The following RANBP17 variants were observed in gnomAD, a reference collection of about 807,000 sequenced individuals.
The protein encoded by RANBP17 is ran-binding protein 17.
Under a neutral mutation model 141.2 loss-of-function variants are expected in RANBP17, and 158 were observed. The observed-to-expected ratio is 1.12, with a 90% CI of 0.98 to 1.28. The LOEUF (loss-of-function observed/expected upper bound fraction) is 1.28, where lower values mean the gene tolerates loss of function less well. RANBP17 is among the 50% of genes most tolerant of loss of function. RANBP17 has a pLI of 0.00. For synonymous variants in RANBP17, 430 were observed against 450.0 expected, an observed-to-expected ratio of 0.96 and a Z score of 0.56; for missense variants, 1,438 against 1,290.7, an observed-to-expected ratio of 1.11 and a Z score of -1.75.
At chr5:171,128,888 A>G (rs1330118006) in intron 14 of RANBP17, among the ~76,000 whole-genome samples, 2 of 152,232 alleles carry the variant, frequency 1.3e-5, no homozygotes, top group African/African-American at 2.4e-5. Flanking sequence ...ACTTACATAA[A>G]TGGCAACTAA....
At chr5:170,975,086 A>G (rs1374841185) in intron 14 of RANBP17, among the ~76,000 whole-genome samples, 1 of 151,908 alleles carries the variant, frequency 6.6e-6, no homozygotes, top group East Asian at 1.9e-4. Flanking sequence ...ATACTTTCTC[A>G]TTTTTCACAA....
intron 14 of RANBP17, among the ~76,000 whole-genome samples, chr5:171,016,358 T>C (rs74547980): frequency 0.018 from 2,757 of 152,194 alleles, 77 homozygotes; most frequent in African/African-American, 0.063. Flanking sequence ...GACAAAGCTA[T>C]TCTTAGCTTA....
intron 14 of RANBP17, among the ~76,000 whole-genome samples, chr5:171,135,832 C>G (rs1199519350): frequency 6.6e-6 from 1 of 152,202 alleles, no homozygotes. Flanking sequence ...CTTCTGGGCT[C>G]TCTTTCTGTG....
chr5:171,089,230 A>T, intron 14 of RANBP17, among the ~76,000 whole-genome samples: 1 of 114,872 alleles, frequency 8.7e-6, no homozygotes, highest in Non-Finnish European at 2.0e-5. Context: ...GTGAGGTGTC[A>T]GTGTGCCCCT....
chr5:171,249,560 G>C (rs920500887), intron 24 of RANBP17, among the ~76,000 whole-genome samples: 4 of 152,136 alleles, frequency 2.6e-5, no homozygotes, highest in Admixed American at 1.3e-4. Flanking sequence ...CATTACCAAA[G>C]AGATTTAAAT....
At chr5:171,065,936 C>T (rs982957105) in intron 14 of RANBP17, among the ~76,000 whole-genome samples, 1 of 152,028 alleles carries the variant, frequency 6.6e-6, no homozygotes, top group African/African-American at 2.4e-5. Context: ...TCTCGGTGCA[C>T]TGCAGCCTCT....
chr5:170,968,902 T>TA (rs1163370464), intron 14 of RANBP17, among the ~76,000 whole-genome samples: 1 of 151,826 alleles, frequency 6.6e-6, no homozygotes, highest in Non-Finnish European at 1.5e-5. Flanking sequence ...GACTTGATCT[T>TA]AAAGTATAAT....
intron 13 of RANBP17, among the ~76,000 whole-genome samples, chr5:170,955,705 A>T (rs1775639992): frequency 8.1e-6 from 1 of 122,974 alleles, no homozygotes; most frequent in Non-Finnish European, 1.7e-5. Context: ...TCTGTAGAGG[A>T]ACGAACTCTA....
chr5:170,975,477 G>C (rs1193348927), intron 14 of RANBP17, among the ~76,000 whole-genome samples: 2 of 152,196 alleles, frequency 1.3e-5, no homozygotes, highest in Non-Finnish European at 2.9e-5. Flanking sequence ...AGTGAGCCGA[G>C]ATTGCGCCAC....
chr5:171,096,182 C>T (rs1193718881), intron 14 of RANBP17, among the ~76,000 whole-genome samples: 1 of 152,040 alleles, frequency 6.6e-6, no homozygotes, highest in African/African-American at 2.4e-5. Flanking sequence ...CCGCACAGTT[C>T]AAACCTGCAT....
intron 27 of RANBP17, among the ~76,000 whole-genome samples, chr5:171,296,569 C>T (rs1230722170): frequency 6.6e-6 from 1 of 152,188 alleles, no homozygotes. Context: ...GTGCATATAA[C>T]AAAATATTGC....
intron 25 of RANBP17, among the ~76,000 whole-genome samples, chr5:171,276,356 A>T (rs1164250346): frequency 1.3e-5 from 2 of 152,254 alleles, no homozygotes; most frequent in African/African-American, 4.8e-5. Flanking sequence ...TTACAATTAT[A>T]TTTGTATGTT....
chr5:170,878,105 T>A lies in RANBP17; in HGVS notation c.27T>A (p.Ala9=). Residue 9 remains alanine (A), a synonymous_variant, in exon 2 of 28, where the codon GCT becomes GCA. Transcript: ENST00000523189. MALHFQSL[A]ELEVLCTHLY... is the part of the protein sequence containing the mutation. ...TTTTTTTTTCTTTGAAGAGTTTGGC[T>A]GAATTGGAAGTGTTATGTACTCATC... 1.3e-6 allele frequency: 2 copies of A among 1,555,482 alleles called. No homozygotes were observed. Among genetic ancestry groups the A allele is most frequent in the Non-Finnish European group, 1.7e-6 (2 of 1,153,332 alleles).
chr5:171,049,721 A>G (rs1782831389), intron 14 of RANBP17, among the ~76,000 whole-genome samples: 3 of 152,192 alleles, frequency 2.0e-5, no homozygotes, highest in South Asian at 4.1e-4. Context: ...TTTATTGAAT[A>G]TGAAGTTTTT....
chr5:171,291,706 T>TC (rs1581194503), intron 25 of RANBP17, among the ~76,000 whole-genome samples: 1 of 152,238 alleles, frequency 6.6e-6, no homozygotes, highest in Non-Finnish European at 1.5e-5. Flanking sequence ...GTTGGCTGTT[T>TC]CCCCCATACC....
intron 5 of RANBP17, among the ~76,000 whole-genome samples, chr5:170,905,853 A>G (rs1771034134): frequency 6.6e-6 from 1 of 152,176 alleles, no homozygotes; most frequent in Non-Finnish European, 1.5e-5. Flanking sequence ...TAATAGGAAA[A>G]TAGTCTGCCC....
At chr5:170,864,223 T>TA (rs955336594) in intron 1 of RANBP17, among the ~76,000 whole-genome samples, 3 of 152,172 alleles carry the variant, frequency 2.0e-5, no homozygotes, top group African/African-American at 7.2e-5. Context: ...ACCTCTGTCT[T>TA]ACTGTCACCT....
At chr5:171,290,700 T>G (rs898142138) in intron 25 of RANBP17, among the ~76,000 whole-genome samples, 2 of 152,248 alleles carry the variant, frequency 1.3e-5, no homozygotes, top group African/African-American at 4.8e-5. Context: ...TATATGTGTC[T>G]GTGTTTTACC....
intron 12 of RANBP17, among the ~76,000 whole-genome samples, chr5:170,936,714 A>C (rs1773907783): frequency 6.6e-6 from 1 of 152,200 alleles, no homozygotes; most frequent in African/African-American, 2.4e-5. Flanking sequence ...TTTTGGGTGT[A>C]ATATAAATAT....
Sources: gnomAD v4.1 joint callset for allele counts (sites outside exome capture counted in the v4.1 genomes callset) on GRCh38, gnomAD v4.1.1 for gene constraint, MANE v1.5 for transcripts, NCBI Gene and HGNC (gene_info 2026-07-23, HGNC 2026-07-21) for gene names.